The following CDH18 variants were observed in gnomAD, a reference collection of about 807,000 sequenced individuals.
CDH18 encodes the protein cadherin-18.
Under a neutral mutation model 67.9 loss-of-function variants are expected in CDH18, and 31 were observed. The ratio of observed to expected loss-of-function variants is 0.46; its 90% CI spans 0.34 to 0.62. CDH18 has a LOEUF of 0.62. Among genes scored for constraint, CDH18 ranks in the 20% least tolerant of loss-of-function variants. The pLI is 0.01. For missense variants in CDH18, 890 were observed against 975.5 expected (o/e 0.91, Z 1.17); for synonymous variants, 362 against 347.2 (o/e 1.04, Z -0.48).
chr5:20,545,085 T>C (rs1757267675), intron 1 of CDH18, among the ~76,000 whole-genome samples: 2 of 152,202 alleles, frequency 1.3e-5, no homozygotes, highest in East Asian at 1.9e-4. Flanking sequence ...CATTAAATCT[T>C]AAAGTTCAAA....
At chr5:20,161,344 A>T (rs979916306) in intron 2 of CDH18, among the ~76,000 whole-genome samples, 2 of 152,156 alleles carry the variant, frequency 1.3e-5, no homozygotes, top group African/African-American at 4.8e-5. Flanking sequence ...CTTTTGTACC[A>T]TGGAAGTTGA....
chr5:20,171,519 T>C (rs1046070618), intron 2 of CDH18, among the ~76,000 whole-genome samples: 5 of 152,150 alleles, frequency 3.3e-5, no homozygotes, highest in Admixed American at 6.6e-5. Context: ...TGTCTTCTTT[T>C]AAAGAGTGTC....
intron 3 of CDH18, among the ~76,000 whole-genome samples, chr5:19,781,039 T>C (rs991168680): frequency 6.6e-6 from 1 of 152,148 alleles, no homozygotes; most frequent in Non-Finnish European, 1.5e-5. Context: ...AATGTGTTAT[T>C]CCAATGAATC....
intron 2 of CDH18, among the ~76,000 whole-genome samples, chr5:20,102,738 CAGA>C (rs1204301480): frequency 6.6e-6 from 1 of 151,724 alleles, no homozygotes; most frequent in Non-Finnish European, 1.5e-5. Context: ...GAAATAGAGA[CAGA>C]AGGAGGGGCT....
At chr5:20,334,461 G>A (rs1368437135) in intron 1 of CDH18, among the ~76,000 whole-genome samples, 4 of 151,928 alleles carry the variant, frequency 2.6e-5, no homozygotes, top group African/African-American at 9.7e-5. Flanking sequence ...AATAGGCACT[G>A]GAAAGACTAA....
chr5:19,490,223 G>C (rs894645111), intron 11 of CDH18, among the ~76,000 whole-genome samples: 2 of 151,772 alleles, frequency 1.3e-5, no homozygotes, highest in African/African-American at 2.4e-5. Context: ...TTCTTCACCT[G>C]CATTAATGTA....
At chr5:19,979,047 A>G (rs980691398) in intron 2 of CDH18, among the ~76,000 whole-genome samples, 1 of 152,168 alleles carries the variant, frequency 6.6e-6, no homozygotes, top group African/African-American at 2.4e-5. Context: ...TTGTAACTTC[A>G]CTCATAGAGT....
At chr5:19,507,881 T>C (rs1744464211) in intron 10 of CDH18, among the ~76,000 whole-genome samples, 1 of 152,074 alleles carries the variant, frequency 6.6e-6, no homozygotes, top group Non-Finnish European at 1.5e-5. Flanking sequence ...GTTGTGCACA[T>C]GTACCCTAGA....
intron 2 of CDH18, among the ~76,000 whole-genome samples, chr5:20,084,970 C>G (rs1744817332): frequency 6.6e-6 from 1 of 152,154 alleles, no homozygotes; most frequent in Admixed American, 6.5e-5. Context: ...TCCACATTGT[C>G]TTGGGGATTA....
chr5:20,013,228 T>C (rs943877398), intron 2 of CDH18, among the ~76,000 whole-genome samples: 5 of 152,062 alleles, frequency 3.3e-5, no homozygotes, highest in South Asian at 2.1e-4. Context: ...GCTTTCAGGA[T>C]AGGGAAATTC....
intron 2 of CDH18, among the ~76,000 whole-genome samples, chr5:20,186,597 G>C (rs529148204): frequency 8.4e-4 from 128 of 151,992 alleles, no homozygotes; most frequent in Non-Finnish European, 1.6e-3. Context: ...TAACCATGAA[G>C]AGATACCACA....
intron 2 of CDH18, among the ~76,000 whole-genome samples, chr5:20,087,915 G>A (rs1342409346): frequency 1.3e-5 from 2 of 152,038 alleles, no homozygotes; most frequent in Non-Finnish European, 2.9e-5. Context: ...CTTCTCTAAA[G>A]TTCATAGAAT....
intron 5 of CDH18, among the ~76,000 whole-genome samples, chr5:19,717,221 C>T (rs1461991523): frequency 2.6e-5 from 4 of 151,950 alleles, no homozygotes; most frequent in Admixed American, 6.6e-5. Context: ...ATTCAGTATA[C>T]TTGTATGAAA....
intron 1 of CDH18, among the ~76,000 whole-genome samples, chr5:20,501,712 A>T: frequency 1.1e-5 from 1 of 90,276 alleles, no homozygotes; most frequent in Non-Finnish European, 2.2e-5. Context: ...TAAAATCTTA[A>T]GGATTTGTGT....
chr5:20,328,351 A>G (rs1270879988), intron 1 of CDH18, among the ~76,000 whole-genome samples: 1 of 152,164 alleles, frequency 6.6e-6, no homozygotes, highest in Non-Finnish European at 1.5e-5. Context: ...ACTGTTTTGC[A>G]GACAGAAATA....
chr5:19,495,425 CAA>C (rs1481004384), intron 11 of CDH18, among the ~76,000 whole-genome samples: 2 of 151,876 alleles, frequency 1.3e-5, no homozygotes, highest in African/African-American at 4.8e-5. Flanking sequence ...CCACTAAAAA[CAA>C]AGAGAGAAGC....
intron 8 of CDH18, among the ~76,000 whole-genome samples, chr5:19,561,049 C>A (rs1295777831): frequency 1.3e-5 from 2 of 152,074 alleles, no homozygotes; most frequent in Admixed American, 6.6e-5. Flanking sequence ...AGCACTTTTA[C>A]ATTGTTGGTG....
intron 1 of CDH18, among the ~76,000 whole-genome samples, chr5:20,316,283 G>A (rs1301976467): frequency 6.6e-6 from 1 of 151,910 alleles, no homozygotes; most frequent in African/African-American, 2.4e-5. Flanking sequence ...TTATCGATGT[G>A]GAAAGTGACT....
intron 5 of CDH18, among the ~76,000 whole-genome samples, chr5:19,651,200 T>A (rs1755521074): frequency 6.6e-6 from 1 of 152,070 alleles, no homozygotes; most frequent in African/African-American, 2.4e-5. Context: ...TCACTCTTTA[T>A]GTAACCACTG....
Sources: gnomAD v4.1 joint callset for allele counts (sites outside exome capture counted in the v4.1 genomes callset) on GRCh38, gnomAD v4.1.1 for gene constraint, MANE v1.5 for transcripts, NCBI Gene and HGNC (gene_info 2026-07-23, HGNC 2026-07-21) for gene names.